PHACTR2: variants seen among roughly 807,000 people sequenced by gnomAD.
PHACTR2 encodes the protein phosphatase and actin regulator 2, also known as chromosome 6 open reading frame 56.
In PHACTR2, 30 loss-of-function variants were observed where a neutral mutation model predicts 76.0. The ratio of observed to expected loss-of-function variants is 0.39; its 90% CI spans 0.30 to 0.54. The LOEUF (loss-of-function observed/expected upper bound fraction) is 0.54, where lower values mean the gene tolerates loss of function less well. Ranked by LOEUF, PHACTR2 falls within the 20% of genes least tolerant of loss-of-function variation. PHACTR2 has a pLI of 0.61. For synonymous variants in PHACTR2, 292 were observed against 292.5 expected (o/e 1.00, Z 0.02); for missense variants, 696 against 781.1 (o/e 0.89, Z 1.30).
In PHACTR2 at chr6:143,550,270, T is replaced by C. The variant is rs772110244; in HGVS notation, c.217+13063T>C. Among the ~76,000 whole-genome samples the C allele has an allele frequency of 2.0e-5, 3 of 152,088 alleles. No homozygotes were observed. Among genetic ancestry groups the C allele is most frequent in the Non-Finnish European group, 4.4e-5 (3 of 67,982 alleles). On this transcript the variant is annotated intron_variant, in intron 1 of 11. Transcript: ENST00000367584. This position sits in a 1 kb window ranked among gnomAD's most constrained non-coding sequence, Gnocchi z 4.8. The stretch of plus-strand genomic sequence containing the variant: ...TGAGCTTGTGCACTTTCTAACAGGC[T>C]TCTAAGTTTTGCTGACGCTGCTGGT...
rs1038322923 is a variant in PHACTR2 at position 143,782,126 on chromosome 6, A to T, written c.1646-1093A>T. 4.6e-5 allele frequency among the ~76,000 whole-genome samples: 7 copies of T among 152,164 alleles called. No individual in the cohort carries two copies. The highest frequency in any genetic ancestry group is 3.3e-4 in the Admixed American group (5 of 15,280). ...ATATATTTCATACCTGTCATGGATT[A>T]AAAAAATTTTTTTTAATTGAACCCG... On this transcript the variant is annotated intron_variant, in intron 9 of 12. Coordinates refer to ENST00000440869, the MANE Select transcript of PHACTR2 (RefSeq NM_001100164.2). The surrounding 1 kb of genome is among the most constrained non-coding windows in gnomAD (Gnocchi z 4.6).
chr6:143,786,199 GC>G (rs1257992106), intron 10 of PHACTR2, among the ~76,000 whole-genome samples: 1 of 152,114 alleles, frequency 6.6e-6, no homozygotes, highest in Non-Finnish European at 1.5e-5. Context: ...AATTTCTTCT[GC>G]CAGATACCCT....
At position 143,818,206 on chromosome 6, in the gene PHACTR2, C is replaced by T. The variant is rs889376828; in HGVS notation, c.1923-5468C>T. The stretch of plus-strand genomic sequence containing the variant: ...GTAGAAATTCAGATGATCACCTTTT[C>T]TATTCCATGCTACCCAGAGAACACC... On this transcript the variant is annotated intron_variant, in intron 12 of 12. Coordinates refer to ENST00000440869, the MANE Select transcript of PHACTR2 (RefSeq NM_001100164.2). The surrounding 1 kb of genome is among the most constrained non-coding windows in gnomAD (Gnocchi z 4.9). Among the ~76,000 whole-genome samples, 3 of 152,188 alleles carry T rather than the reference C, an allele frequency of 2.0e-5. No homozygotes were observed. The highest frequency in any genetic ancestry group is 4.4e-5 in the Non-Finnish European group (3 of 68,022).
chr6:143,640,420 C>T (rs1776544089), intron 1 of PHACTR2, among the ~76,000 whole-genome samples: 1 of 152,096 alleles, frequency 6.6e-6, no homozygotes, highest in Non-Finnish European at 1.5e-5. Flanking sequence ...CGTTCTCAAA[C>T]AAAAGACTTA....
chr6:143,599,949 G>C lies in PHACTR2; in HGVS notation c.217+62742G>C, dbSNP rs1775795684. Among the ~76,000 whole-genome samples, 1 of 152,188 alleles carries C rather than the reference G, an allele frequency of 6.6e-6. No homozygotes were observed. Among genetic ancestry groups the C allele is most frequent in the Non-Finnish European group, 1.5e-5 (1 of 68,030 alleles). On this transcript the variant is annotated intron_variant, in intron 1 of 11. Coordinates refer to the PHACTR2 transcript ENST00000367584. The surrounding 1 kb of genome is among the most constrained non-coding windows in gnomAD (Gnocchi z 4.6). ...AGATGCCTTGTCTAAAGCTTTCAAGGTTTGGCCTGGCCAAATGATCATGTC... is the reference window on the plus strand; with the variant it reads ...AGATGCCTTGTCTAAAGCTTTCAAGCTTTGGCCTGGCCAAATGATCATGTC...
intron 2 of PHACTR2, among the ~76,000 whole-genome samples, chr6:143,734,050 C>T (rs1778765231): frequency 6.6e-6 from 1 of 151,940 alleles, no homozygotes; most frequent in Admixed American, 6.6e-5. Flanking sequence ...TCTTTTTATA[C>T]ATAGGTGGAT....
rs575259501 is a variant in PHACTR2 at position 143,807,763 on chromosome 6, T to C, written c.1922+630T>C. Among the ~76,000 whole-genome samples the C allele has an allele frequency of 2.6e-5, 4 of 152,328 alleles. No individual in the cohort carries two copies. In the East Asian group the frequency reaches 7.7e-4, roughly 29 times the overall value. On this transcript the variant is annotated intron_variant, in intron 12 of 12. Transcript: ENST00000440869. This position sits in a 1 kb window ranked among gnomAD's most constrained non-coding sequence, Gnocchi z 5.5. ...AAGGAGATCGCTATCATCTTACCAT[T>C]TTTCCCTCAGTCCCTTTCGGTTTCT...
At chr6:143,691,841 T>C (rs1777651141) in intron 1 of PHACTR2, among the ~76,000 whole-genome samples, 1 of 152,220 alleles carries the variant, frequency 6.6e-6, no homozygotes, top group African/African-American at 2.4e-5. Context: ...CCCTTTTCCC[T>C]TTTAGAACTG....
At chr6:143,746,300 A>G (rs1012728683) in intron 2 of PHACTR2, among the ~76,000 whole-genome samples, 1 of 152,222 alleles carries the variant, frequency 6.6e-6, no homozygotes, top group Non-Finnish European at 1.5e-5. Context: ...TTCAAGGACT[A>G]GAATCCAGGA....
At chr6:143,606,581 A>G (rs1272749438), upstream of PHACTR2, among the ~76,000 whole-genome samples, 1 of 152,188 alleles carries the variant, frequency 6.6e-6, no homozygotes, top group Non-Finnish European at 1.5e-5. Flanking sequence ...CCTTACCCAC[A>G]TCTCAGCTTT....
At chr6:143,748,193 A>T (rs1779109901) in intron 2 of PHACTR2, among the ~76,000 whole-genome samples, 1 of 152,040 alleles carries the variant, frequency 6.6e-6, no homozygotes, top group Non-Finnish European at 1.5e-5. Context: ...AGCCTCCCAA[A>T]TAGCTGGGGT....
upstream of PHACTR2, among the ~76,000 whole-genome samples, chr6:143,607,576 T>G (rs3841023): frequency 1.0e-5 from 1 of 98,612 alleles, no homozygotes; most frequent in African/African-American, 3.2e-5. Context: ...GGTGAAAATA[T>G]TTGAATTTCT....
chr6:143,763,111 C>G (rs1377919717), intron 5 of PHACTR2, among the ~76,000 whole-genome samples: 1 of 152,166 alleles, frequency 6.6e-6, no homozygotes, highest in East Asian at 1.9e-4. Context: ...GTAATCCCAG[C>G]ACTTTGGGAG....
chr6:143,765,877 G>C lies in PHACTR2; in HGVS notation c.1232+79G>C. The C allele has an allele frequency of 7.9e-7, 1 of 1,268,858 alleles. No individual in the cohort carries two copies. Among genetic ancestry groups the C allele is most frequent in the Non-Finnish European group, 1.1e-6 (1 of 910,918 alleles). The allele number at this position is 1,268,858 out of a possible 1,614,324, so 78.6% of individuals were successfully genotyped here. Reference sequence around the variant, plus strand: ...TATTCTGTTGGAAATGAAGCACCGGGTTTGCTTTCTTATATAATTTAATCT... The same window carrying C: ...TATTCTGTTGGAAATGAAGCACCGGCTTTGCTTTCTTATATAATTTAATCT... On this transcript the variant is annotated intron_variant, in intron 6 of 12. Transcript: ENST00000440869. The surrounding 1 kb of genome is among the most constrained non-coding windows in gnomAD (Gnocchi z 4.1).
chr6:143,583,955 G>A lies in PHACTR2; in HGVS notation c.217+46748G>A, dbSNP rs1185245113. ...TTCCTAGCACTGTGTCTAGCACTCA[G>A]GATATTCATAATAAAAGTTTGATAA... On this transcript the variant is annotated intron_variant, in intron 1 of 11. Coordinates refer to the PHACTR2 transcript ENST00000367584. The surrounding 1 kb of genome is among the most constrained non-coding windows in gnomAD (Gnocchi z 4.0). Among the ~76,000 whole-genome samples the A allele has an allele frequency of 2.0e-5, 3 of 152,326 alleles. No homozygotes were observed. In the East Asian group the frequency reaches 5.8e-4, roughly 29 times the overall value.
At position 143,653,389 on chromosome 6, in the gene PHACTR2, T is replaced by C. The variant is rs1351411736; in HGVS notation, c.13+45067T>C. ...GCTAAACCCCTTACCTTATACAGAC[T>C]GTGGAGATGGGCAAAGGAAAAAAAT... On this transcript the variant is annotated intron_variant, in intron 1 of 11. Transcript: ENST00000305766. This position sits in a 1 kb window ranked among gnomAD's most constrained non-coding sequence, Gnocchi z 4.9. Among the ~76,000 whole-genome samples the C allele has an allele frequency of 6.6e-6, 1 of 152,090 alleles. No homozygotes were observed. The highest frequency in any genetic ancestry group is 2.4e-5 in the African/African-American group (1 of 41,406).
In PHACTR2 at chr6:143,809,045, T is replaced by C. The variant is rs1345469514; in HGVS notation, c.1922+1912T>C. Among the ~76,000 whole-genome samples the C allele has an allele frequency of 6.6e-6, 1 of 152,230 alleles. No individual in the cohort carries two copies. The highest frequency in any genetic ancestry group is 1.5e-5 in the Non-Finnish European group (1 of 68,046). On this transcript the variant is annotated intron_variant, in intron 12 of 12. Coordinates refer to ENST00000440869, the MANE Select transcript of PHACTR2 (RefSeq NM_001100164.2). This position sits in a 1 kb window ranked among gnomAD's most constrained non-coding sequence, Gnocchi z 4.2. ...AGTGCTTGGTGCAGTTGGGTCCTGATCCCTGAGCTGCAGTGACTGCACTCA... is the reference window on the plus strand; with the variant it reads ...AGTGCTTGGTGCAGTTGGGTCCTGACCCCTGAGCTGCAGTGACTGCACTCA...
In PHACTR2 at chr6:143,646,162, A is replaced by T. The variant is rs535015080; in HGVS notation, c.13+37840A>T. On this transcript the variant is annotated intron_variant, in intron 1 of 11. Coordinates refer to the PHACTR2 transcript ENST00000305766. The surrounding 1 kb of genome is among the most constrained non-coding windows in gnomAD (Gnocchi z 4.1). Reference sequence around the variant, plus strand: ...ATGAGCATCTCTTATGTCTGAGGTCATAGGCTGGGTACAAGAGAGGTATAA... The same window carrying T: ...ATGAGCATCTCTTATGTCTGAGGTCTTAGGCTGGGTACAAGAGAGGTATAA... 6.6e-6 allele frequency among the ~76,000 whole-genome samples: 1 copy of T among 152,306 alleles called. No individual in the cohort carries two copies. The highest frequency in any genetic ancestry group is 2.1e-4 in the South Asian group (1 of 4,830).
rs1776527064 is a variant in PHACTR2 at position 143,639,438 on chromosome 6, C to T, written c.13+31116C>T. 6.6e-6 allele frequency among the ~76,000 whole-genome samples: 1 copy of T among 152,164 alleles called. No individual in the cohort carries two copies. Among genetic ancestry groups the T allele is most frequent in the South Asian group, 2.1e-4 (1 of 4,826 alleles). ...ATTCAGAGCCATTTTATAAGTGACA[C>T]AAGCAAAATAATTCTTATTTTTAAT... On this transcript the variant is annotated intron_variant, in intron 1 of 11. Transcript: ENST00000305766. This position sits in a 1 kb window ranked among gnomAD's most constrained non-coding sequence, Gnocchi z 5.0.
Sources: allele counts gnomAD v4.1 joint callset (sites outside exome capture counted in the v4.1 genomes callset), GRCh38; gene constraint gnomAD v4.1.1; non-coding constraint Gnocchi (gnomAD v3.1); transcripts MANE v1.5; gene names NCBI Gene and HGNC (gene_info 2026-07-23, HGNC 2026-07-21).